Variants in USP45 observed in about 807,000 individuals in gnomAD.
USP45 encodes the protein ubiquitin carboxyl-terminal hydrolase 45.
Under a neutral mutation model 95.8 loss-of-function variants are expected in USP45, and 89 were observed. The ratio of observed to expected loss-of-function variants is 0.93; its 90% CI spans 0.78 to 1.11. The LOEUF is 1.11. USP45 is among the 50% of genes least tolerant of loss of function. The pLI, the probability that USP45 is intolerant of heterozygous loss-of-function variation, is 0.00. For missense variants in USP45, 898 were observed against 942.5 expected, an observed-to-expected ratio of 0.95 and a Z score of 0.62; for synonymous variants, 281 against 316.2, an observed-to-expected ratio of 0.89 and a Z score of 1.18.
chr6:99,475,811 T>C lies in USP45; in HGVS notation c.933+332A>G, dbSNP rs1376612217. Among the ~76,000 whole-genome samples the C allele has an allele frequency of 5.4e-4, 3 of 5,512 alleles. No homozygotes were observed. The Non-Finnish European group carries it at 0.05, about 92-fold the overall frequency. 3.6% of individuals were successfully genotyped at this position (5,512 alleles called of 152,430 possible). ...TTAAATTGTAATAGAAATTACTTAC[T>C]TAGTTGTTTTTTTGTTTGTTTGTTT... On this transcript the variant is annotated intron_variant, in intron 9 of 17. Transcript: ENST00000500704.
intron 13 of USP45, chr6:99,461,906 A>G (rs1430142394): frequency 2.7e-5 from 27 of 985,084 alleles, no homozygotes; most frequent in Non-Finnish European, 3.1e-5. Context: ...TACTGAAAGT[A>G]GTTAACTACT....
chr6:99,487,528 G>A (rs569772837), intron 7 of USP45, among the ~76,000 whole-genome samples: 35 of 151,154 alleles, frequency 2.3e-4, no homozygotes, highest in Admixed American at 1.3e-3. Flanking sequence ...GGTGGCTCAC[G>A]CCTGTAATCC....
At chr6:99,457,041 T>C (rs988228918) in intron 13 of USP45, among the ~76,000 whole-genome samples, 1 of 152,198 alleles carries the variant, frequency 6.6e-6, no homozygotes, top group African/African-American at 2.4e-5. Context: ...CAGTCTCCCA[T>C]AGTGCTCCCA....
chr6:99,446,110 T>G lies in USP45; in HGVS notation c.1662A>C (p.Glu554Asp). The G allele has an allele frequency of 6.2e-7, 1 of 1,614,124 alleles. No homozygotes were observed. Among genetic ancestry groups the G allele is most frequent in the Non-Finnish European group, 8.5e-7 (1 of 1,180,044 alleles). ...GAAGTTCAGAAATAGCTTCTGCCAT[T>G]TCCTTATCACCACTGTCAGTCTCCT... ...YTKETDSGDK[E>D]MAEAISELRL... Residue 554 changes from glutamate (E) to aspartate (D), a missense_variant, in exon 14 of 18, where the codon GAA (glutamate) becomes GAC (aspartate). Transcript: ENST00000500704.
intron 16 of USP45, among the ~76,000 whole-genome samples, chr6:99,438,098 T>C (rs551309537): frequency 6.6e-6 from 1 of 152,242 alleles, no homozygotes; most frequent in Non-Finnish European, 1.5e-5. Flanking sequence ...ATTGCAGGAT[T>C]ATCTGTAATA....
At position 99,497,479 on chromosome 6, in the gene USP45, C is replaced by T. The variant is rs183479476; in HGVS notation, c.478+6286G>A. ...AGTAAAAAGAGACAACTTGGTGCCCCACAATTCCCCTAGCTTGGAACCAAA... is the reference window on the plus strand; with the variant it reads ...AGTAAAAAGAGACAACTTGGTGCCCTACAATTCCCCTAGCTTGGAACCAAA... On this transcript the variant is annotated intron_variant, in intron 5 of 17. Transcript: ENST00000500704. Among the ~76,000 whole-genome samples, 174 of 152,284 alleles carry T rather than the reference C, an allele frequency of 1.1e-3. 2 individuals are homozygous for T. The highest frequency in any genetic ancestry group is 4.1e-3 in the African/African-American group (170 of 41,558).
chr6:99,483,403 G>A (rs1792914192), intron 7 of USP45, among the ~76,000 whole-genome samples: 1 of 152,088 alleles, frequency 6.6e-6, no homozygotes, highest in African/African-American at 2.4e-5. Flanking sequence ...CTAACATTGG[G>A]TGAAGGATTA....
At chr6:99,506,851 C>T (rs893334166) in intron 4 of USP45, among the ~76,000 whole-genome samples, 1 of 151,984 alleles carries the variant, frequency 6.6e-6, no homozygotes, top group Non-Finnish European at 1.5e-5. Flanking sequence ...TTAGCAAGTT[C>T]ACTACCAAAA....
chr6:99,437,384 C>T lies in USP45; in HGVS notation c.2176G>A (p.Asp726Asn), dbSNP rs765897623. 4 of 1,595,046 alleles carry T rather than the reference C, an allele frequency of 2.5e-6. No individual in the cohort carries two copies. Among genetic ancestry groups the T allele is most frequent in the Non-Finnish European group, 3.4e-6 (4 of 1,175,036 alleles). ...CCATAGAGACCGTAGAGAACTTTAT[C>T]TCCCACACTTGCATTCTTTTAAACA... Reference protein sequence around the residue: ...SATCKNASVGDKVLYGLYGIV... With the variant: ...SATCKNASVGNKVLYGLYGIV... Residue 726 changes from aspartate (D) to asparagine (N), a missense_variant, in exon 17 of 18, where the codon GAT becomes AAT. By Grantham distance (23) the Asp-to-Asn change is conservative (BLOSUM62 1). Transcript: ENST00000500704.
At position 99,507,437 on chromosome 6, in the gene USP45, C is replaced by T; in HGVS notation, c.368G>A (p.Trp123Ter). ...PHCIIINLST[W>*]IIWCYECDEK... ...ACAAAATTTAACTTACCATATAATC[C>T]ATGTGCTCAGATTAATTATAATACA... Residue 123 changes from tryptophan to a stop codon, truncating the protein, a stop_gained, in exon 4 of 18, where the codon TGG becomes TAG. Coordinates refer to ENST00000500704, the MANE Select transcript of USP45 (RefSeq NM_001346022.3). LOFTEE classifies it high-confidence loss of function. 2 of 1,598,772 alleles carry T rather than the reference C, an allele frequency of 1.3e-6. No individual in the cohort carries two copies. The highest frequency in any genetic ancestry group is 1.7e-6 in the Non-Finnish European group (2 of 1,170,142).
intron 6 of USP45, 84 bp from the exon 7 acceptor site, chr6:99,488,379 G>T: frequency 1.1e-6 from 1 of 896,282 alleles, no homozygotes; most frequent in Non-Finnish European, 1.7e-6. Context: ...ATTTCATCTA[G>T]CATAGCAAAA....
chr6:99,498,780 C>T (rs1249304370), intron 5 of USP45, among the ~76,000 whole-genome samples: 1 of 152,108 alleles, frequency 6.6e-6, no homozygotes, highest in Non-Finnish European at 1.5e-5. Context: ...TGTGATATCA[C>T]AAAGGATTAA....
intron 5 of USP45, among the ~76,000 whole-genome samples, chr6:99,492,244 T>C (rs1795331764): frequency 6.6e-6 from 1 of 152,182 alleles, no homozygotes; most frequent in Non-Finnish European, 1.5e-5. Context: ...CAAACCAAGA[T>C]ATATCCACGC....
chr6:99,458,002 C>T (rs551455479), intron 13 of USP45, among the ~76,000 whole-genome samples: 2 of 152,222 alleles, frequency 1.3e-5, no homozygotes, highest in South Asian at 2.1e-4. Flanking sequence ...CAGTAAGCAG[C>T]GTAAGTATCA....
chr6:99,485,392 C>T (rs1406120980), intron 7 of USP45, among the ~76,000 whole-genome samples: 1 of 151,926 alleles, frequency 6.6e-6, no homozygotes, highest in Non-Finnish European at 1.5e-5. Context: ...ACTTTGAAAA[C>T]AAAAGTTTGC....
Position 99,477,609 on chromosome 6 carries a change from G to A in USP45, c.846-1379C>T, listed in dbSNP as rs546440173. On this transcript the variant is annotated intron_variant, in intron 8 of 17. Transcript: ENST00000500704. ...ATTACAGGCATGAGCCATCACGCCC[G>A]GCCAAGTGCAGTACTTTCAGCATTA... Among the ~76,000 whole-genome samples the A allele has an allele frequency of 3.9e-5, 6 of 152,210 alleles. No homozygotes were observed. In the South Asian group the frequency reaches 1.0e-3, roughly 26 times the overall value.
intron 13 of USP45, among the ~76,000 whole-genome samples, chr6:99,446,837 G>T (rs7454755): frequency 6.6e-6 from 1 of 151,964 alleles, no homozygotes; most frequent in Non-Finnish European, 1.5e-5. Context: ...TCAAACTCTC[G>T]GACTCAAGTG....
chr6:99,458,558 C>A (rs1467337303), intron 13 of USP45, among the ~76,000 whole-genome samples: 1 of 152,210 alleles, frequency 6.6e-6, no homozygotes, highest in Admixed American at 6.5e-5. Flanking sequence ...CTGTCTGAAT[C>A]CCCATTTCTG....
rs1205520543 is a variant in USP45 at position 99,432,932 on chromosome 6, T to C, written c.*2784A>G. 1 of 152,630 alleles carries C rather than the reference T, an allele frequency of 6.6e-6. No individual in the cohort carries two copies. Among genetic ancestry groups the C allele is most frequent in the African/African-American group, 2.4e-5 (1 of 41,466 alleles). 9.5% of individuals were successfully genotyped at this position (152,630 alleles called of 1,614,324 possible). On this transcript the variant is annotated 3_prime_UTR_variant, in exon 18 of 18. Transcript: ENST00000500704. ...ACTATTAAATACAGTAAAATAGCTC[T>C]GTTGGTACATTTAAAATAAGAGAAC...
Sources: gnomAD v4.1 joint callset for allele counts (sites outside exome capture counted in the v4.1 genomes callset) on GRCh38, gnomAD v4.1.1 for gene constraint, MANE v1.5 for transcripts, NCBI Gene and HGNC (gene_info 2026-07-23, HGNC 2026-07-21) for gene names.